Variants in MTAP observed in about 807,000 individuals in gnomAD.
MTAP encodes the protein S-methyl-5'-thioadenosine phosphorylase.
In MTAP, 33 loss-of-function variants were observed where a neutral mutation model predicts 33.6. That is an observed-to-expected ratio of 0.98 (90% confidence interval 0.74 to 1.31). The LOEUF (loss-of-function observed/expected upper bound fraction) is 1.31. MTAP is among the 40% of genes most tolerant of loss of function. The pLI is 0.00. For missense variants in MTAP, 367 were observed against 360.0 expected (o/e 1.02, Z -0.16); for synonymous variants, 148 against 125.7 (o/e 1.18, Z -1.19).
At chr9:21,810,578 G>GTAC (rs1824321192) in intron 1 of MTAP, among the ~76,000 whole-genome samples, 1 of 152,028 alleles carries the variant, frequency 6.6e-6, no homozygotes, top group South Asian at 2.1e-4. Context: ...CCTCTTAAAG[G>GTAC]TACTACCTCC....
intron 1 of MTAP, among the ~76,000 whole-genome samples, chr9:21,906,381 A>G (rs568649047): frequency 1.3e-5 from 2 of 152,370 alleles, no homozygotes; most frequent in South Asian, 4.1e-4. Context: ...GTTAAACGTC[A>G]GACTGAACAC....
At chr9:21,852,043 C>T (rs931026407) in intron 5 of MTAP, among the ~76,000 whole-genome samples, 2 of 152,124 alleles carry the variant, frequency 1.3e-5, no homozygotes, top group African/African-American at 4.8e-5. Flanking sequence ...CTGACTAATA[C>T]AATGGAATAC....
chr9:21,894,273 T>C (rs1818251979), intron 1 of MTAP, among the ~76,000 whole-genome samples: 1 of 150,922 alleles, frequency 6.6e-6, no homozygotes, highest in Admixed American at 6.6e-5. Flanking sequence ...AAGAGCCATC[T>C]TTGACAAGCC....
intron 5 of MTAP, among the ~76,000 whole-genome samples, chr9:21,844,328 G>C (rs1825323560): frequency 6.6e-6 from 1 of 152,156 alleles, no homozygotes; most frequent in Non-Finnish European, 1.5e-5. Context: ...CAATCTTACT[G>C]AAACTATTCC....
intron 6 of MTAP, among the ~76,000 whole-genome samples, chr9:21,855,303 G>C (rs1825614148): frequency 6.6e-6 from 1 of 152,226 alleles, no homozygotes; most frequent in Non-Finnish European, 1.5e-5. Flanking sequence ...GCATAGAAAT[G>C]TGACAACAAA....
At position 21,866,143 on chromosome 9, in the gene MTAP, ATGT is replaced by A. The variant is rs1328248111; in HGVS notation, c.*4132_*4134del. On this transcript the variant is annotated 3_prime_UTR_variant, in exon 8 of 8. Transcript: ENST00000644715. ...TTGATTTGCATTTTTCTGATTAAAG[ATGT>A]TGAACTTCTTTTCATGTGCTTATTG... 1.3e-5 allele frequency: 2 copies of A among 152,194 alleles called. No homozygotes were observed. The highest frequency in any genetic ancestry group is 1.3e-4 in the Admixed American group (2 of 15,276). 9.4% of individuals were successfully genotyped at this position (152,194 alleles called of 1,614,324 possible).
rs188596586 is a variant in MTAP, at chr9:21,857,901, T to G, written c.691-1402T>G. 9.0e-4 allele frequency among the ~76,000 whole-genome samples: 137 copies of G among 152,356 alleles called. 1 individual carries two copies. The highest frequency in any genetic ancestry group is 3.2e-3 in the African/African-American group (134 of 41,584). On this transcript the variant is annotated intron_variant, in intron 6 of 7. Coordinates refer to ENST00000644715, the MANE Select transcript of MTAP (RefSeq NM_002451.4). ...CACAGTCTGAATTGCTGAAATCATC[T>G]CCTTGGAGTAGTTTAATAGGCTTCT...
intron 7 of MTAP, 174 bp from the exon 8 acceptor site, chr9:21,861,802 C>A: frequency 1.6e-6 from 1 of 614,592 alleles, no homozygotes; most frequent in Non-Finnish European, 2.9e-6. Flanking sequence ...TTAGAGTACC[C>A]GAAGTTCCAC....
chr9:21,916,122 G>GGAAGGAAGGAAGGAAGGAAGGAAGGAA lies in MTAP; in HGVS notation c.148-14885_148-14884insAAGGAAGGAAGGAAGGAAGGAAGGAAG, dbSNP rs1296578788. Among the ~76,000 whole-genome samples the GGAAGGAAGGAAGGAAGGAAGGAAGGAA allele has an allele frequency of 1.7e-3, 211 of 122,978 alleles. 3 individuals are homozygous for GGAAGGAAGGAAGGAAGGAAGGAAGGAA. The highest frequency in any genetic ancestry group is 2.4e-3 in the African/African-American group (76 of 31,960). The allele number at this position is 122,978 out of a possible 152,430, so 80.7% of individuals were successfully genotyped here. On this transcript the variant is annotated intron_variant, in intron 1 of 1. Transcript: ENST00000577563. ...AAGGAAGGAAGGAAGGAAGGAAGGAGGGAGGGAAGGAAGGAAAATAACCTA... is the reference window on the plus strand; with the variant it reads ...AAGGAAGGAAGGAAGGAAGGAAGGAGGAAGGAAGGAAGGAAGGAAGGAAGGAAGGAGGGAAGGAAGGAAAATAACCTA...
chr9:21,876,113 G>T (rs774379220), intron 1 of MTAP, among the ~76,000 whole-genome samples: 1 of 151,982 alleles, frequency 6.6e-6, no homozygotes, highest in South Asian at 2.1e-4. Context: ...TGCATTTCTC[G>T]AATGATCAGT....
At chr9:21,903,769 C>A (rs1296429625) in intron 1 of MTAP, among the ~76,000 whole-genome samples, 1 of 152,122 alleles carries the variant, frequency 6.6e-6, no homozygotes, top group Non-Finnish European at 1.5e-5. Context: ...TACAGATGGG[C>A]AGGTTGCGGA....
intron 1 of MTAP, among the ~76,000 whole-genome samples, chr9:21,805,605 G>A (rs1420502478): frequency 1.3e-5 from 2 of 152,194 alleles, no homozygotes; most frequent in Non-Finnish European, 2.9e-5. Flanking sequence ...AGAAGATGGG[G>A]CCTTTGGGCG....
At chr9:21,923,808 A>AT (rs1171351384) in intron 1 of MTAP, among the ~76,000 whole-genome samples, 2 of 145,002 alleles carry the variant, frequency 1.4e-5, no homozygotes, top group Non-Finnish European at 2.9e-5. Context: ...GAAATGGATT[A>AT]TAAAAAAAAA....
At chr9:21,928,501 C>G (rs1473580427) in intron 1 of MTAP, among the ~76,000 whole-genome samples, 2 of 152,070 alleles carry the variant, frequency 1.3e-5, no homozygotes, top group East Asian at 1.9e-4. Flanking sequence ...CGGGAAGACT[C>G]CTGCCCCACA....
At chr9:21,896,059 G>A (rs889226375) in intron 1 of MTAP, among the ~76,000 whole-genome samples, 12 of 152,134 alleles carry the variant, frequency 7.9e-5, no homozygotes, top group Admixed American at 4.6e-4. Flanking sequence ...ATAACAAACT[G>A]TCTCTCAGAC....
At chr9:21,806,320 A>G (rs1457157021) in intron 1 of MTAP, among the ~76,000 whole-genome samples, 2 of 152,106 alleles carry the variant, frequency 1.3e-5, no homozygotes, top group African/African-American at 2.4e-5. Context: ...TGCAGGAAGA[A>G]GAACAGGATG....
Position 21,862,037 on chromosome 9 carries a change from A to G in MTAP, c.*23A>G. 1.2e-6 allele frequency: 2 copies of G among 1,612,612 alleles called. No individual in the cohort carries two copies. Among genetic ancestry groups the G allele is most frequent in the Non-Finnish European group, 1.7e-6 (2 of 1,179,452 alleles). On this transcript the variant is annotated 3_prime_UTR_variant, in exon 8 of 8. Transcript: ENST00000644715. ...TAAAGTAGCATGGCTGCCCAGGAGAAAAGAAGACATTCTAATTCCAGTCAT... is the reference window on the plus strand; with the variant it reads ...TAAAGTAGCATGGCTGCCCAGGAGAGAAGAAGACATTCTAATTCCAGTCAT...
chr9:21,815,848 T>C (rs902675336), intron 2 of MTAP, among the ~76,000 whole-genome samples: 1 of 152,200 alleles, frequency 6.6e-6, no homozygotes, highest in African/African-American at 2.4e-5. Context: ...ATCTTCTAAT[T>C]TGTGGCCAAT....
At chr9:21,839,503 G>C (rs1213572555) in intron 5 of MTAP, among the ~76,000 whole-genome samples, 2 of 152,184 alleles carry the variant, frequency 1.3e-5, no homozygotes, top group Non-Finnish European at 2.9e-5. Context: ...GCTGTATAGA[G>C]CACATGTAAA....
Sources: gnomAD v4.1 joint callset for allele counts (sites outside exome capture counted in the v4.1 genomes callset) on GRCh38, gnomAD v4.1.1 for gene constraint, MANE v1.5 for transcripts, NCBI Gene and HGNC (gene_info 2026-07-23, HGNC 2026-07-21) for gene names.